The following MRTFA variants were observed in gnomAD, a reference collection of about 807,000 sequenced individuals.
The protein encoded by MRTFA is myocardin related transcription factor A.
In MRTFA, 20 loss-of-function variants were observed where a neutral mutation model predicts 83.5. That is an observed-to-expected ratio of 0.24 (90% CI 0.17 to 0.35). The LOEUF is 0.35. MRTFA is among the 10% of genes least tolerant of loss of function. MRTFA has a pLI of 1.00. For missense variants in MRTFA, 1,200 were observed against 1,224.7 expected, an observed-to-expected ratio of 0.98 and a Z score of 0.30; for synonymous variants, 659 against 541.2, an observed-to-expected ratio of 1.22 and a Z score of -3.02.
At position 40,459,830 on chromosome 22, in the gene MRTFA, C is replaced by CATATATATATATATAT. The variant is rs55885079; in HGVS notation, c.307+3375_307+3390dup. On this transcript the variant is annotated intron_variant, in intron 4 of 14. Transcript: ENST00000355630. ...ACACACACACACACACACATATATA[C>CATATATATATATATAT]ATATATATATATATATATATATATA... Among the ~76,000 whole-genome samples, 362 of 86,860 alleles carry CATATATATATATATAT rather than the reference C, an allele frequency of 4.2e-3. 2 individuals are homozygous for CATATATATATATATAT. The highest frequency in any genetic ancestry group is 8.4e-3 in the South Asian group (16 of 1,898). 57.0% of individuals were successfully genotyped at this position (86,860 alleles called of 152,430 possible). A position where few individuals can be genotyped will look rare whatever the true frequency, so the allele number is the denominator to read the frequency against.
At chr22:40,463,485 AG>A in intron 3 of MRTFA, 199 bp from the exon 4 acceptor site, 1 of 543,806 alleles carries the variant, frequency 1.8e-6, no homozygotes, top group Non-Finnish European at 3.3e-6. Flanking sequence ...GGGCGGTGAG[AG>A]GAAGTTGCGA....
chr22:40,516,167 C>G (rs900885993), intron 3 of MRTFA, among the ~76,000 whole-genome samples: 2 of 151,938 alleles, frequency 1.3e-5, no homozygotes, highest in African/African-American at 4.8e-5. Context: ...CCTGTAATCC[C>G]AACACTTTTG....
At chr22:40,590,748 T>C (rs914599761) in intron 2 of MRTFA, among the ~76,000 whole-genome samples, 1 of 150,774 alleles carries the variant, frequency 6.6e-6, no homozygotes, top group Non-Finnish European at 1.5e-5. Context: ...AGTATCTGAA[T>C]ACTTATGCAC....
At chr22:40,425,000 A>T (rs948040211) in intron 7 of MRTFA, among the ~76,000 whole-genome samples, 2 of 152,108 alleles carry the variant, frequency 1.3e-5, no homozygotes, top group Non-Finnish European at 2.9e-5. Context: ...GGTGAAATGG[A>T]GGTGGTGTGG....
intron 4 of MRTFA, chr22:40,436,311 A>G (rs1415577846): frequency 1.3e-5 from 2 of 154,420 alleles, no homozygotes; most frequent in Non-Finnish European, 2.9e-5. Flanking sequence ...GAGGAATCAT[A>G]AAGTGGCCAA....
intron 3 of MRTFA, 176 bp from the exon 4 acceptor site, chr22:40,463,462 C>T (rs972244246): frequency 5.2e-6 from 3 of 573,914 alleles, no homozygotes; most frequent in South Asian, 4.3e-5. Context: ...GCAGAGTTTC[C>T]GTATTCTGCT....
chr22:40,420,554 T>C lies in MRTFA; in HGVS notation c.1204A>G (p.Ser402Gly). Residue 402 changes from serine (S) to glycine (G), a missense_variant, in exon 11 of 15, where the codon AGC (serine) becomes GGC (glycine). By Grantham distance (56) the Ser-to-Gly change is moderately conservative. This residue lies in a region of MRTFA where 1,107 missense variants were observed against 1,041.8 expected (regional missense o/e 1.06). Transcript: ENST00000355630. ...CTGCGTACTGGGGGGGTCCCGCTGC[T>C]TCCCAGGGCCTCGCCTGCTGACCTG... 1 of 1,613,502 alleles carries C rather than the reference T, an allele frequency of 6.2e-7. No homozygotes were observed. The highest frequency in any genetic ancestry group is 1.7e-5 in the Admixed American group (1 of 60,030).
chr22:40,519,689 A>G, intron 3 of MRTFA: 1 of 1,058,830 alleles, frequency 9.4e-7, no homozygotes, highest in Non-Finnish European at 1.2e-6. Flanking sequence ...TATAACAATC[A>G]CACCCACTCA....
chr22:40,613,449 C>T (rs1307093566), intron 1 of MRTFA, among the ~76,000 whole-genome samples: 1 of 152,216 alleles, frequency 6.6e-6, no homozygotes, highest in Non-Finnish European at 1.5e-5. Context: ...CACACTCCTA[C>T]AAGCAACAGG....
At chr22:40,528,068 C>T (rs2055009537) in intron 3 of MRTFA, among the ~76,000 whole-genome samples, 1 of 152,130 alleles carries the variant, frequency 6.6e-6, no homozygotes, top group Non-Finnish European at 1.5e-5. Context: ...TGTCTGTCTA[C>T]CTACCTGTCT....
intron 4 of MRTFA, chr22:40,440,085 G>A (rs1000579186): frequency 2.0e-5 from 3 of 150,382 alleles, no homozygotes; most frequent in African/African-American, 7.4e-5. Context: ...CTGGGAGGCG[G>A]AGGTTGCAGT....
chr22:40,580,002 G>A (rs1391600381), intron 2 of MRTFA, among the ~76,000 whole-genome samples: 1 of 151,964 alleles, frequency 6.6e-6, no homozygotes, highest in South Asian at 2.1e-4. Context: ...CACTTTTCGA[G>A]CAAGGAAAAA....
At chr22:40,629,173 G>T (rs1157050746) in intron 1 of MRTFA, among the ~76,000 whole-genome samples, 2 of 152,060 alleles carry the variant, frequency 1.3e-5, no homozygotes, top group Admixed American at 1.3e-4. Flanking sequence ...GCTGGGCGCG[G>T]TGGCTCACAT....
At chr22:40,588,267 T>C (rs1212050972) in intron 2 of MRTFA, among the ~76,000 whole-genome samples, 3 of 152,166 alleles carry the variant, frequency 2.0e-5, no homozygotes, top group Non-Finnish European at 4.4e-5. Context: ...GACCTTGTGA[T>C]CCACCTGCCT....
intron 3 of MRTFA, chr22:40,523,116 G>T (rs986539514): frequency 1.4e-5 from 2 of 145,330 alleles, no homozygotes; most frequent in African/African-American, 2.5e-5. Context: ...GAAAAATGAA[G>T]AAAAATGGCA....
At chr22:40,589,243 A>AT (rs765276222) in intron 2 of MRTFA, among the ~76,000 whole-genome samples, 1 of 152,204 alleles carries the variant, frequency 6.6e-6, no homozygotes, top group African/African-American at 2.4e-5. Flanking sequence ...AGCTACATTT[A>AT]TATGTTTATG....
chr22:40,493,562 A>C (rs1272765573), intron 3 of MRTFA, among the ~76,000 whole-genome samples: 1 of 152,236 alleles, frequency 6.6e-6, no homozygotes, highest in Admixed American at 6.5e-5. Context: ...ATGAAAGAGG[A>C]AAAATTTACA....
At chr22:40,623,451 C>T (rs1046526931) in intron 1 of MRTFA, among the ~76,000 whole-genome samples, 2 of 151,882 alleles carry the variant, frequency 1.3e-5, no homozygotes, top group East Asian at 1.9e-4. Flanking sequence ...AGGTATATCT[C>T]CCAATGCTAT....
chr22:40,467,528 T>C (rs534128423), intron 3 of MRTFA, among the ~76,000 whole-genome samples: 1 of 152,288 alleles, frequency 6.6e-6, no homozygotes, highest in South Asian at 2.1e-4. Flanking sequence ...AGCAATTATT[T>C]AATAACCTAC....
Sources: gnomAD v4.1 joint callset for allele counts (sites outside exome capture counted in the v4.1 genomes callset) on GRCh38, gnomAD v4.1.1 for gene constraint, gnomAD v4.1.1 regional missense constraint, MANE v1.5 for transcripts, NCBI Gene and HGNC (gene_info 2026-07-23, HGNC 2026-07-21) for gene names.